Variants in TTC28 observed in about 807,000 individuals in gnomAD.
The protein encoded by TTC28 is tetratricopeptide repeat protein 28.
TTC28 carries 61 observed loss-of-function variants against 198.0 expected under a neutral mutation model. The observed-to-expected ratio is 0.31, with a 90% CI of 0.25 to 0.38. The LOEUF is 0.38. Ranked by LOEUF, TTC28 falls within the 10% of genes least tolerant of loss-of-function variation. TTC28 has a pLI of 1.00. For missense variants in TTC28, 2,678 were observed against 3,164.0 expected (o/e 0.85, Z 3.69); for synonymous variants, 1,171 against 1,297.8 (o/e 0.90, Z 2.10).
rs36011379 is a variant in TTC28, at chr22:28,482,207, C to CTTTTTTTTT, written c.381+147336_381+147344dup. Among the ~76,000 whole-genome samples the CTTTTTTTTT allele has an allele frequency of 1.0e-4, 7 of 66,938 alleles. 1 individual carries two copies. The highest frequency in any genetic ancestry group is 0.013 in the Middle Eastern group (1 of 80). The allele number at this position is 66,938 out of a possible 152,430, so 43.9% of individuals were successfully genotyped here. A position where few individuals can be genotyped will look rare whatever the true frequency, so the allele number is the denominator to read the frequency against. ...GCTAGTAGAGATAGTAATGGGCAGTCTTTTTTTTTTTTTTTTTTTTTTTTT... is the reference window on the plus strand; with the variant it reads ...GCTAGTAGAGATAGTAATGGGCAGTCTTTTTTTTTTTTTTTTTTTTTTTTTTTTTTTTTT... On this transcript the variant is annotated intron_variant, in intron 2 of 22. Coordinates refer to ENST00000397906, the MANE Select transcript of TTC28 (RefSeq NM_001145418.2).
At chr22:28,411,110 T>C (rs753324886) in intron 2 of TTC28, among the ~76,000 whole-genome samples, 5 of 152,202 alleles carry the variant, frequency 3.3e-5, no homozygotes, top group African/African-American at 7.2e-5. Context: ...GCAAAGTTTT[T>C]ATATTCTAAT....
intron 2 of TTC28, among the ~76,000 whole-genome samples, chr22:28,384,725 T>C (rs1032876155): frequency 6.6e-5 from 10 of 152,200 alleles, no homozygotes; most frequent in African/African-American, 2.4e-4. Flanking sequence ...TCTCTCCATT[T>C]CCACTACCAC....
intron 10 of TTC28, among the ~76,000 whole-genome samples, chr22:28,096,720 AG>A (rs1168903803): frequency 1.3e-5 from 2 of 150,082 alleles, no homozygotes; most frequent in Non-Finnish European, 3.0e-5. Flanking sequence ...CCACCTCCTG[AG>A]TTGCTCCCTA....
At chr22:28,209,733 G>T (rs1159449615) in intron 5 of TTC28, among the ~76,000 whole-genome samples, 1 of 152,206 alleles carries the variant, frequency 6.6e-6, no homozygotes, top group Non-Finnish European at 1.5e-5. Context: ...TGAACAAAAG[G>T]CAGCAGAAAC....
intron 14 of TTC28, chr22:28,006,700 G>C (rs963089247): frequency 3.3e-5 from 5 of 152,270 alleles, no homozygotes; most frequent in Non-Finnish European, 7.3e-5. Flanking sequence ...TCCAAGCCCA[G>C]AGTTCTCCCA....
chr22:28,172,702 G>A (rs1922800930), intron 5 of TTC28, among the ~76,000 whole-genome samples: 1 of 152,148 alleles, frequency 6.6e-6, no homozygotes, highest in South Asian at 2.1e-4. Flanking sequence ...CTGTCAGGCT[G>A]GGACTCTCCG....
At chr22:28,136,385 G>A (rs1232662675) in intron 6 of TTC28, among the ~76,000 whole-genome samples, 6 of 152,058 alleles carry the variant, frequency 3.9e-5, no homozygotes, top group Admixed American at 6.5e-5. Flanking sequence ...GGCCTCAAGC[G>A]ATCCTCCTGC....
At chr22:28,292,107 A>G (rs2044799460) in intron 5 of TTC28, among the ~76,000 whole-genome samples, 1 of 152,078 alleles carries the variant, frequency 6.6e-6, no homozygotes, top group African/African-American at 2.4e-5. Flanking sequence ...TTTTCATGTA[A>G]TTGTTATGTA....
chr22:28,112,081 CTT>C (rs1942496091), intron 6 of TTC28, among the ~76,000 whole-genome samples: 1 of 152,108 alleles, frequency 6.6e-6, no homozygotes, highest in South Asian at 2.1e-4. Flanking sequence ...ACCTCTGAGC[CTT>C]TGTTATTTTT....
chr22:28,009,524 A>G (rs1938056703), intron 14 of TTC28, among the ~76,000 whole-genome samples: 1 of 152,130 alleles, frequency 6.6e-6, no homozygotes, highest in African/African-American at 2.4e-5. Flanking sequence ...TGGCCTCTGG[A>G]GCAGTGCGTG....
At chr22:28,635,293 C>T (rs988058070) in intron 1 of TTC28, among the ~76,000 whole-genome samples, 2 of 151,960 alleles carry the variant, frequency 1.3e-5, no homozygotes, top group African/African-American at 4.8e-5. Flanking sequence ...TGCACTCCAG[C>T]CTGGGCAACA....
rs1370032547 is a variant in TTC28 at position 27,982,163 on chromosome 22, A to G, written c.*58T>C. The G allele has an allele frequency of 6.9e-7, 1 of 1,444,234 alleles. No individual in the cohort carries two copies. The highest frequency in any genetic ancestry group is 1.4e-5 in the African/African-American group (1 of 69,602). The allele number at this position is 1,444,234 out of a possible 1,614,324, so 89.5% of individuals were successfully genotyped here. ...GGGACTGCACTCAGGGAAGGGCTGA[A>G]GCAAACGCCAGGCCCCCATCTGCAG... On this transcript the variant is annotated 3_prime_UTR_variant, in exon 23 of 23. Transcript: ENST00000397906. The surrounding 1 kb of genome is among the most constrained non-coding windows in gnomAD (Gnocchi z 5.2).
chr22:28,652,372 G>A (rs1355237553), intron 1 of TTC28, among the ~76,000 whole-genome samples: 1 of 152,168 alleles, frequency 6.6e-6, no homozygotes, highest in African/African-American at 2.4e-5. Flanking sequence ...GCTTATGCTG[G>A]TTAATCAATT....
intron 12 of TTC28, among the ~76,000 whole-genome samples, chr22:28,032,019 T>G (rs1238770829): frequency 6.6e-6 from 1 of 151,666 alleles, no homozygotes; most frequent in Admixed American, 6.6e-5. Context: ...CTGGCTTTCC[T>G]GGGTCTGCAG....
At chr22:28,234,743 A>G (rs1929103979) in intron 5 of TTC28, among the ~76,000 whole-genome samples, 1 of 152,188 alleles carries the variant, frequency 6.6e-6, no homozygotes, top group Non-Finnish European at 1.5e-5. Context: ...TTATCTATAT[A>G]TAGTGAAATA....
chr22:28,582,865 T>C (rs2050252063), intron 2 of TTC28, among the ~76,000 whole-genome samples: 1 of 152,204 alleles, frequency 6.6e-6, no homozygotes, highest in Non-Finnish European at 1.5e-5. Flanking sequence ...ATCAGTATAA[T>C]GGGGGTTCCT....
chr22:28,411,185 G>C (rs1162442978), intron 2 of TTC28, among the ~76,000 whole-genome samples: 1 of 152,112 alleles, frequency 6.6e-6, no homozygotes, highest in East Asian at 1.9e-4. Flanking sequence ...TCTTCTAATA[G>C]GTTTTAGATT....
At chr22:28,132,327 C>T (rs1352031051) in intron 6 of TTC28, among the ~76,000 whole-genome samples, 1 of 152,218 alleles carries the variant, frequency 6.6e-6, no homozygotes. Flanking sequence ...ACATTTATCA[C>T]CAGTCATCCA....
At chr22:28,622,337 C>G (rs867768964) in intron 2 of TTC28, among the ~76,000 whole-genome samples, 5 of 152,066 alleles carry the variant, frequency 3.3e-5, no homozygotes, top group South Asian at 2.1e-4. Context: ...CACACATGTA[C>G]GGAACAAATT....
Sources: gnomAD v4.1 joint callset for allele counts (sites outside exome capture counted in the v4.1 genomes callset) on GRCh38, gnomAD v4.1.1 for gene constraint, Gnocchi (gnomAD v3.1) non-coding constraint, MANE v1.5 for transcripts, NCBI Gene and HGNC (gene_info 2026-07-23, HGNC 2026-07-21) for gene names.